DERPC: variants seen among roughly 807,000 people sequenced by gnomAD.
The protein encoded by DERPC is DERPC proline and glycine rich nuclear protein, also known as decreased expression in renal and prostate cancer protein.
DERPC carries 1 observed loss-of-function variant against 7.2 expected under a neutral mutation model. The observed-to-expected ratio is 0.14, with a 90% CI of 0.05 to 0.66. The LOEUF is 0.66. Among genes scored for constraint, DERPC ranks in the 30% least tolerant of loss-of-function variants. The pLI, the probability that DERPC is intolerant of heterozygous loss-of-function variation, is 0.84. For synonymous variants in DERPC, 185 were observed against 117.6 expected, an observed-to-expected ratio of 1.57 and a Z score of -3.71; for missense variants, 502 against 299.4, an observed-to-expected ratio of 1.68 and a Z score of -4.99.
intron 1 of DERPC, among the ~76,000 whole-genome samples, chr16:69,121,834 AT>A (rs1204306667): frequency 6.6e-6 from 1 of 151,684 alleles, no homozygotes; most frequent in Non-Finnish European, 1.5e-5. Context: ...CGGCCGGCTA[AT>A]TTTTTTTGTA....
intron 1 of DERPC, among the ~76,000 whole-genome samples, chr16:69,131,854 A>C (rs1597126802): frequency 1.3e-5 from 2 of 150,658 alleles, no homozygotes; most frequent in East Asian, 2.0e-4. Flanking sequence ...CTTCCCTCCC[A>C]CAAAAGAACC....
intron 1 of DERPC, among the ~76,000 whole-genome samples, chr16:69,125,151 G>A (rs776227375): frequency 9.2e-5 from 14 of 152,080 alleles, no homozygotes; most frequent in Non-Finnish European, 1.2e-4. Context: ...TGATACGCCC[G>A]CGTTGCCCTC....
At chr16:69,122,365 CTT>C (rs869246617) in intron 1 of DERPC, among the ~76,000 whole-genome samples, 17 of 140,398 alleles carry the variant, frequency 1.2e-4, no homozygotes, top group African/African-American at 3.1e-4. Flanking sequence ...TAAGGATATT[CTT>C]TTTTTTTTTT....
intron 1 of DERPC, 49 bp downstream of exon 1, chr16:69,132,435 T>C: frequency 6.1e-6 from 1 of 165,126 alleles, no homozygotes; most frequent in Non-Finnish European, 1.2e-5. Flanking sequence ...CAATCCCGGC[T>C]CGGCCCTCGC....
chr16:69,128,578 T>C (rs1962257061), intron 1 of DERPC, among the ~76,000 whole-genome samples: 1 of 152,106 alleles, frequency 6.6e-6, no homozygotes, highest in Non-Finnish European at 1.5e-5. Flanking sequence ...CCTAAGTTAG[T>C]CAAACGACTT....
At chr16:69,129,007 T>C (rs1348511168) in intron 1 of DERPC, among the ~76,000 whole-genome samples, 1 of 151,520 alleles carries the variant, frequency 6.6e-6, no homozygotes, top group Non-Finnish European at 1.5e-5. Context: ...GTAGTTACAG[T>C]GAGCCGAGAC....
intron 1 of DERPC, among the ~76,000 whole-genome samples, chr16:69,128,004 G>A (rs764520077): frequency 1.5e-4 from 22 of 151,360 alleles, no homozygotes; most frequent in Non-Finnish European, 2.5e-4. Context: ...AACCTCCGCT[G>A]CCCAGGATCA....
Position 69,119,601 on chromosome 16 carries a change from G to A in DERPC, c.828C>T (p.Ala276=). The change falls in exon 3 of 3, where the codon GCC becomes GCT. Residue 276 remains alanine (A), a synonymous_variant. Coordinates refer to ENST00000519520, the MANE Select transcript of DERPC (RefSeq NM_001002847.4). ...AAAGACCTGCTGCTCTTAGAATGGG[G>A]GCAAGATCGAGGCCTTGAGGTCCAG... ...RMAGPQGLDL[A]PILRAAGLLG... 1.4e-6 allele frequency: 1 copy of A among 699,634 alleles called. No homozygotes were observed. The highest frequency in any genetic ancestry group is 2.6e-6 in the Non-Finnish European group (1 of 382,884). The allele number at this position is 699,634 out of a possible 1,614,324, so 43.3% of individuals were successfully genotyped here. A position where few individuals can be genotyped will look rare whatever the true frequency, so the allele number is the denominator to read the frequency against.
intron 1 of DERPC, among the ~76,000 whole-genome samples, chr16:69,124,821 T>C (rs1387814095): frequency 6.6e-6 from 1 of 152,196 alleles, no homozygotes; most frequent in African/African-American, 2.4e-5. Flanking sequence ...TACTGGTATG[T>C]TAATCTTCCT....
At position 69,128,213 on chromosome 16, in the gene DERPC, A is replaced by G. The variant is rs537308004; in HGVS notation, c.-280+4271T>C. Among the ~76,000 whole-genome samples, 3 of 152,208 alleles carry G rather than the reference A, an allele frequency of 2.0e-5. No individual in the cohort carries two copies. The East Asian group carries it at 5.8e-4, about 29-fold the overall frequency. The stretch of plus-strand genomic sequence containing the variant: ...CAGGCGTGAACCACAGCGCCCGGCT[A>G]ACTATCTCTTAAGAGCAGAGTTCAA... On this transcript the variant is annotated intron_variant, in intron 1 of 2. Coordinates refer to ENST00000519520, the MANE Select transcript of DERPC (RefSeq NM_001002847.4).
In DERPC at chr16:69,118,938, G is replaced by C. The variant is rs558567643; in HGVS notation, c.1491C>G (p.Ser497Arg). Reference sequence around the variant, plus strand: ...AAGCAGCTGGGTTTGTGCCAGGGAGGCTCCCCACTCTAGGAAATGGGACGA... The same window carrying C: ...AAGCAGCTGGGTTTGTGCCAGGGAGCCTCCCCACTCTAGGAAATGGGACGA... ...KSFVPFPRVG[S>R]LPGTNPAAFP... Residue 497 changes from serine (S) to arginine (R), a missense_variant, in exon 3 of 3, where the codon AGC (serine) becomes AGG (arginine). By Grantham distance (110) the Ser-to-Arg change is moderately radical (BLOSUM62 -1). Transcript: ENST00000519520. The C allele has an allele frequency of 1.4e-5, 10 of 703,078 alleles. No individual in the cohort carries two copies. The highest frequency in any genetic ancestry group is 1.2e-4 in the African/African-American group (7 of 57,390). The allele number at this position is 703,078 out of a possible 1,614,324, so 43.6% of individuals were successfully genotyped here.
In DERPC at chr16:69,119,450, G is replaced by A. The variant is rs1367646575; in HGVS notation, c.979C>T (p.Pro327Ser). 2 of 702,906 alleles carry A rather than the reference G, an allele frequency of 2.8e-6. No individual in the cohort carries two copies. Among genetic ancestry groups the A allele is most frequent in the Non-Finnish European group, 2.6e-6 (1 of 384,998 alleles). The allele number at this position is 702,906 out of a possible 1,614,324, so 43.5% of individuals were successfully genotyped here. A position where few individuals can be genotyped will look rare whatever the true frequency, so the allele number is the denominator to read the frequency against. Residue 327 changes from proline to serine, a missense_variant, in exon 3 of 3, where the codon CCA becomes TCA. By Grantham distance (74) the Pro-to-Ser change is moderately conservative. Coordinates refer to ENST00000519520, the MANE Select transcript of DERPC (RefSeq NM_001002847.4). ...SGPSSRGIGL[P>S]GPNPSPMSRA... ...GACATGGGAGATGGATTTGGCCCTG[G>A]AAGGCCAATTCCCCGAGAGCTAGGA...
In DERPC at chr16:69,119,417, G is replaced by A. The variant is rs1187079933; in HGVS notation, c.1012C>T (p.Pro338Ser). 4 of 702,890 alleles carry A rather than the reference G, an allele frequency of 5.7e-6. No individual in the cohort carries two copies. Among genetic ancestry groups the A allele is most frequent in the South Asian group, 1.5e-5 (1 of 67,578 alleles). The allele number at this position is 702,890 out of a possible 1,614,324, so 43.5% of individuals were successfully genotyped here. ...GCTGAATTAGGGCCTATGGGGCCAGGAGCCCTTGACATGGGAGATGGATTT... is the reference window on the plus strand; with the variant it reads ...GCTGAATTAGGGCCTATGGGGCCAGAAGCCCTTGACATGGGAGATGGATTT... ...GPNPSPMSRA[P>S]GPIGPNSAHF... Residue 338 changes from proline to serine, a missense_variant, in exon 3 of 3, where the codon CCT (proline) becomes TCT (serine). Coordinates refer to ENST00000519520, the MANE Select transcript of DERPC (RefSeq NM_001002847.4).
chr16:69,131,655 G>C (rs1424224630), intron 1 of DERPC, among the ~76,000 whole-genome samples: 1 of 132,666 alleles, frequency 7.5e-6, no homozygotes, highest in African/African-American at 2.9e-5. Context: ...CCCTTTTCCT[G>C]CCTCCCAGGG....
At chr16:69,123,925 TAAAAAAAAAAAAA>T (rs757493986) in intron 1 of DERPC, among the ~76,000 whole-genome samples, 1 of 76,962 alleles carries the variant, frequency 1.3e-5, no homozygotes, top group Non-Finnish European at 2.5e-5. Flanking sequence ...CCATCTCTAC[TAAAAAAAAAAAAA>T]AAAAAAAAAC....
At chr16:69,121,951 G>T (rs1016790633) in intron 1 of DERPC, among the ~76,000 whole-genome samples, 2 of 151,960 alleles carry the variant, frequency 1.3e-5, no homozygotes, top group Non-Finnish European at 2.9e-5. Flanking sequence ...TTACAGGTGT[G>T]AGCCACCGCG....
chr16:69,123,563 A>G (rs1961834983), intron 1 of DERPC, among the ~76,000 whole-genome samples: 1 of 152,028 alleles, frequency 6.6e-6, no homozygotes, highest in South Asian at 2.1e-4. Flanking sequence ...AGGCTGAGGT[A>G]AGAGAATCAC....
At chr16:69,128,683 A>G (rs1962268424) in intron 1 of DERPC, among the ~76,000 whole-genome samples, 1 of 152,130 alleles carries the variant, frequency 6.6e-6, no homozygotes, top group South Asian at 2.1e-4. Flanking sequence ...CAAAACTAAA[A>G]AGCTTTGGCT....
At chr16:69,129,809 C>A (rs536371971) in intron 1 of DERPC, among the ~76,000 whole-genome samples, 1 of 152,174 alleles carries the variant, frequency 6.6e-6, no homozygotes, top group Non-Finnish European at 1.5e-5. Context: ...TACAAAATGG[C>A]AAAGTAACCT....
Sources: gnomAD v4.1 joint callset for allele counts (sites outside exome capture counted in the v4.1 genomes callset) on GRCh38, gnomAD v4.1.1 for gene constraint, MANE v1.5 for transcripts, NCBI Gene and HGNC (gene_info 2026-07-23, HGNC 2026-07-21) for gene names.